Variants in PRORP observed in about 807,000 individuals in gnomAD.
The protein encoded by PRORP is protein only RNase P catalytic subunit.
In PRORP, 51 loss-of-function variants were observed where a neutral mutation model predicts 59.4. That is an observed-to-expected ratio of 0.86 (90% CI 0.69 to 1.08). The LOEUF (loss-of-function observed/expected upper bound fraction) is 1.08. Among genes scored for constraint, PRORP ranks in the 50% least tolerant of loss-of-function variants. The probability of loss-of-function intolerance (pLI) is 0.00; values close to 1 mark genes in which losing one functional copy is unlikely to be tolerated. For synonymous variants in PRORP, 231 were observed against 245.6 expected, an observed-to-expected ratio of 0.94 and a Z score of 0.55; for missense variants, 646 against 690.3, an observed-to-expected ratio of 0.94 and a Z score of 0.72.
At position 35,277,339 on chromosome 14, in the gene PRORP, CTCTA is replaced by C. The variant is rs2051309949; in HGVS notation, c.*3779_*3782del. Reference sequence around the variant, plus strand: ...CCCCGCACAGCCTGAAATGAGGCATCTCTATCTATAGTCCAGCAGCCCTACAGGA... The same window carrying C: ...CCCCGCACAGCCTGAAATGAGGCATCTCTATAGTCCAGCAGCCCTACAGGA... On this transcript the variant is annotated 3_prime_UTR_variant, in exon 8 of 8. Coordinates refer to ENST00000534898, the MANE Select transcript of PRORP (RefSeq NM_014672.4). 1.3e-5 allele frequency: 2 copies of C among 152,264 alleles called. No homozygotes were observed. Among genetic ancestry groups the C allele is most frequent in the Non-Finnish European group, 2.9e-5 (2 of 68,156 alleles). 9.4% of individuals were successfully genotyped at this position (152,264 alleles called of 1,614,324 possible). A position where few individuals can be genotyped will look rare whatever the true frequency, so the allele number is the denominator to read the frequency against.
rs777076022 is a variant in PRORP, at chr14:35,126,793, A to G, written c.1034+11A>G. ...CACAGTCCGAAAAAGGTGAAGACCAATGTTTATTTTTAACTTGTTTGATTT... is the reference window on the plus strand; with the variant it reads ...CACAGTCCGAAAAAGGTGAAGACCAGTGTTTATTTTTAACTTGTTTGATTT... On this transcript the variant is annotated intron_variant, in intron 3 of 7. Transcript: ENST00000534898. 1.1e-5 allele frequency: 17 copies of G among 1,600,064 alleles called. No homozygotes were observed. In the Admixed American group the frequency reaches 2.2e-4, roughly 21 times the overall value.
intron 4 of PRORP, among the ~76,000 whole-genome samples, chr14:35,130,126 G>A (rs1217305097): frequency 1.3e-5 from 2 of 151,584 alleles, no homozygotes; most frequent in East Asian, 3.9e-4. Context: ...TGCCCCCCAG[G>A]TTCAAGTGAT....
In PRORP at chr14:35,225,639, G is replaced by A. The variant is rs150773696; in HGVS notation, c.1276-41088G>A. Reference sequence around the variant, plus strand: ...TGGGATTACAGGCATGAGCCACCGCGCCTGGCCCACTTGGTGTATTTTAAA... The same window carrying A: ...TGGGATTACAGGCATGAGCCACCGCACCTGGCCCACTTGGTGTATTTTAAA... On this transcript the variant is annotated intron_variant, in intron 5 of 7. Transcript: ENST00000534898. Among the ~76,000 whole-genome samples, 102 of 151,434 alleles carry A rather than the reference G, an allele frequency of 6.7e-4. No homozygotes were observed. In the East Asian group the frequency reaches 0.017, roughly 25 times the overall value.
intron 5 of PRORP, among the ~76,000 whole-genome samples, chr14:35,256,955 C>G (rs962557669): frequency 2.0e-5 from 3 of 151,186 alleles, no homozygotes; most frequent in Non-Finnish European, 4.4e-5. Context: ...TCACTGCAAC[C>G]TCCTCCTCCT....
At chr14:35,215,072 C>G (rs549937413) in intron 5 of PRORP, among the ~76,000 whole-genome samples, 1 of 152,098 alleles carries the variant, frequency 6.6e-6, no homozygotes, top group Non-Finnish European at 1.5e-5. Flanking sequence ...GGGCTTCATT[C>G]TCAGCTCTGT....
In PRORP at chr14:35,273,629, T is replaced by C. The variant is rs1470190979; in HGVS notation, c.*63T>C. On this transcript the variant is annotated 3_prime_UTR_variant, in exon 8 of 8. Coordinates refer to ENST00000534898, the MANE Select transcript of PRORP (RefSeq NM_014672.4). The stretch of plus-strand genomic sequence containing the variant: ...CCTCTAGGTTGGCATCAGAGGCTCT[T>C]GAGCTGGTGTTTGTTTAGGGCATTG... 2.7e-6 allele frequency: 4 copies of C among 1,501,510 alleles called. No individual in the cohort carries two copies. In the East Asian group the frequency reaches 7.1e-5, roughly 27 times the overall value. 93.0% of individuals were successfully genotyped at this position (1,501,510 alleles called of 1,614,324 possible). A position where few individuals can be genotyped will look rare whatever the true frequency, so the allele number is the denominator to read the frequency against.
At position 35,266,500 on chromosome 14, in the gene PRORP, A is replaced by C. The variant is rs917109648; in HGVS notation, c.1276-227A>C. 1.2e-4 allele frequency among the ~76,000 whole-genome samples: 18 copies of C among 149,222 alleles called. 1 individual carries two copies. Among genetic ancestry groups the C allele is most frequent in the South Asian group, 1.1e-3 (5 of 4,662 alleles). ...CTGTCCCACACACAAAAATAAAGAA[A>C]CCCCCCCCTGCAATGTAGCCTGACC... On this transcript the variant is annotated intron_variant, in intron 5 of 7. Transcript: ENST00000534898.
At chr14:35,150,291 G>C (rs1373370366) in intron 4 of PRORP, among the ~76,000 whole-genome samples, 1 of 152,200 alleles carries the variant, frequency 6.6e-6, no homozygotes, top group African/African-American at 2.4e-5. Flanking sequence ...CAGTATTGTT[G>C]TGTCTCAGGT....
chr14:35,166,141 A>C (rs998805129), intron 4 of PRORP, among the ~76,000 whole-genome samples: 3 of 152,042 alleles, frequency 2.0e-5, no homozygotes, highest in African/African-American at 7.2e-5. Flanking sequence ...TTTTCTTAAC[A>C]TTCTTTTTCT....
rs2051291819 is a variant in PRORP, at chr14:35,276,152, T to A, written c.*2586T>A. ...GGGAGACCCGTGTCGACAAAAAATT[T>A]AAAAATTAGCTGGGCATGGTAGCAC... On this transcript the variant is annotated 3_prime_UTR_variant, in exon 8 of 8. Transcript: ENST00000534898. The A allele has an allele frequency of 6.6e-6, 1 of 152,040 alleles. No individual in the cohort carries two copies. The highest frequency in any genetic ancestry group is 2.4e-5 in the African/African-American group (1 of 41,364). The allele number at this position is 152,040 out of a possible 1,614,324, so 9.4% of individuals were successfully genotyped here. A position where few individuals can be genotyped will look rare whatever the true frequency, so the allele number is the denominator to read the frequency against.
At chr14:35,135,477 A>G (rs975956169) in intron 4 of PRORP, among the ~76,000 whole-genome samples, 1 of 152,184 alleles carries the variant, frequency 6.6e-6, no homozygotes, top group East Asian at 1.9e-4. Flanking sequence ...TTGGCCCTTA[A>G]CAGAAAAAAA....
intron 4 of PRORP, among the ~76,000 whole-genome samples, chr14:35,131,984 C>T (rs2047252999): frequency 6.6e-6 from 1 of 151,878 alleles, no homozygotes. Context: ...GGATTACAGG[C>T]ACCTGCCACC....
At chr14:35,231,148 C>A (rs1193156832) in intron 5 of PRORP, among the ~76,000 whole-genome samples, 3 of 152,098 alleles carry the variant, frequency 2.0e-5, no homozygotes, top group Non-Finnish European at 4.4e-5. Flanking sequence ...ATTACCCATA[C>A]AAAAATGAAG....
chr14:35,247,941 G>A (rs2050522787), intron 5 of PRORP, among the ~76,000 whole-genome samples: 1 of 152,028 alleles, frequency 6.6e-6, no homozygotes, highest in Non-Finnish European at 1.5e-5. Context: ...ATCCATCTAG[G>A]CCAACGATTT....
intron 5 of PRORP, among the ~76,000 whole-genome samples, chr14:35,230,218 C>G (rs1381312720): frequency 6.6e-6 from 1 of 151,840 alleles, no homozygotes; most frequent in Non-Finnish European, 1.5e-5. Context: ...ACTCCTGGCT[C>G]ATTTTTGTAT....
intron 5 of PRORP, among the ~76,000 whole-genome samples, chr14:35,198,435 G>A (rs2049060116): frequency 6.6e-6 from 1 of 152,102 alleles, no homozygotes; most frequent in South Asian, 2.1e-4. Context: ...GTACTAAACA[G>A]GCCTCAATAC....
chr14:35,169,595 A>G (rs1476111220), intron 4 of PRORP, among the ~76,000 whole-genome samples: 2 of 152,220 alleles, frequency 1.3e-5, no homozygotes, highest in African/African-American at 4.8e-5. Context: ...ACTACCGTTT[A>G]TAAAACCTTC....
At chr14:35,147,172 T>A (rs781100091) in intron 4 of PRORP, among the ~76,000 whole-genome samples, 1 of 152,134 alleles carries the variant, frequency 6.6e-6, no homozygotes, top group Non-Finnish European at 1.5e-5. Context: ...TCTAAAAAAA[T>A]ATATATAGAT....
intron 4 of PRORP, among the ~76,000 whole-genome samples, chr14:35,172,480 T>C (rs56899564): frequency 2.5e-5 from 1 of 39,276 alleles, no homozygotes; most frequent in Non-Finnish European, 5.2e-5. Flanking sequence ...CCTCTTTCCT[T>C]TCTTTCCCTT....
Sources: allele counts gnomAD v4.1 joint callset (sites outside exome capture counted in the v4.1 genomes callset), GRCh38; gene constraint gnomAD v4.1.1; transcripts MANE v1.5; gene names NCBI Gene and HGNC (gene_info 2026-07-23, HGNC 2026-07-21).